The following HPS5 variants were observed in gnomAD, a reference collection of about 807,000 sequenced individuals.
HPS5 encodes HPS5 biogenesis of lysosomal organelles complex 2 subunit 2.
In HPS5, 83 loss-of-function variants were observed where a neutral mutation model predicts 128.0. The observed-to-expected ratio is 0.65, with a 90% confidence interval of 0.54 to 0.78. The LOEUF is 0.78. Among genes scored for constraint, HPS5 ranks in the 30% least tolerant of loss-of-function variants. The probability of loss-of-function intolerance (pLI) is 0.00; values close to 1 mark genes in which losing one functional copy is unlikely to be tolerated. For missense variants in HPS5, 1,281 were observed against 1,326.2 expected, an observed-to-expected ratio of 0.97 and a Z score of 0.53; for synonymous variants, 475 against 470.2, an observed-to-expected ratio of 1.01 and a Z score of -0.13.
intron 6 of HPS5, 26 bp from the exon 7 acceptor site, chr11:18,306,373 C>G (rs1862372797): frequency 3.9e-6 from 6 of 1,553,536 alleles, no homozygotes; most frequent in Non-Finnish European, 5.3e-6. Flanking sequence ...GAAGAGAAAG[C>G]AGATTTACTT....
In HPS5 at chr11:18,279,494, C is replaced by A; in HGVS notation, c.*388G>T. The A allele has an allele frequency of 4.3e-6, 1 of 231,442 alleles. No homozygotes were observed. The highest frequency in any genetic ancestry group is 8.6e-6 in the Non-Finnish European group (1 of 115,806). 14.3% of individuals were successfully genotyped at this position (231,442 alleles called of 1,614,324 possible). A position where few individuals can be genotyped will look rare whatever the true frequency, so the allele number is the denominator to read the frequency against. ...AATAATACCATCTGTCTTCATGTGACCAGGATGAAAAGCTTCTGCTCCCAA... is the reference window on the plus strand; with the variant it reads ...AATAATACCATCTGTCTTCATGTGAACAGGATGAAAAGCTTCTGCTCCCAA... On this transcript the variant is annotated 3_prime_UTR_variant, in exon 23 of 23. Transcript: ENST00000349215.
intron 1 of HPS5, among the ~76,000 whole-genome samples, chr11:18,320,553 C>G (rs944259825): frequency 2.0e-5 from 3 of 152,206 alleles, no homozygotes; most frequent in Non-Finnish European, 4.4e-5. Context: ...GCTTCTACAG[C>G]TGAAGGGAAC....
chr11:18,297,724 AAAC>A lies in HPS5; in HGVS notation c.1165-10_1165-8del. On this transcript the variant is annotated splice_polypyrimidine_tract_variant and splice_region_variant and intron_variant, in intron 10 of 22. Transcript: ENST00000349215. ...CAGTCAAAGTTTTTCTTGCCTAATA[AAAC>A]AACAGCGCAATGGAATAGCTATTTG... 2 of 1,613,086 alleles carry A rather than the reference AAAC, an allele frequency of 1.2e-6. No individual in the cohort carries two copies. The highest frequency in any genetic ancestry group is 1.7e-6 in the Non-Finnish European group (2 of 1,179,284).
At chr11:18,294,387 T>C (rs879853098) in intron 14 of HPS5, among the ~76,000 whole-genome samples, 3 of 152,024 alleles carry the variant, frequency 2.0e-5, no homozygotes, top group South Asian at 2.1e-4. Flanking sequence ...CATCAAATAA[T>C]AGCACATTTT....
intron 2 of HPS5, chr11:18,314,304 G>C (rs1217708662): frequency 6.6e-6 from 1 of 152,262 alleles, no homozygotes; most frequent in Non-Finnish European, 1.5e-5. Context: ...CGAGGCGGGC[G>C]GATTACTTGA....
chr11:18,286,910 G>GAA (rs371993799), intron 18 of HPS5, 200 bp from the exon 19 acceptor site: 4,957 of 488,998 alleles, frequency 0.01, 1 homozygote, highest in East Asian at 0.015. Context: ...GGCCAAAAAA[G>GAA]AAAAAAAAAA....
In HPS5 at chr11:18,282,085, A is replaced by T; in HGVS notation, c.3194T>A (p.Val1065Glu). ...CATGGCCTTAGCTAACAGAAGTGCC[A>T]CATTCTCCACATTGATGGGGGAAGG... ...DGPSPINVEN[V>E]ALLLAKAMGP... The change falls in exon 22 of 23, where the codon GTG becomes GAG. Residue 1065 changes from valine to glutamate, a missense_variant. Val to Glu is a moderately radical substitution (Grantham distance 121). Transcript: ENST00000349215. The T allele has an allele frequency of 6.2e-7, 1 of 1,614,182 alleles. No homozygotes were observed.
At position 18,288,154 on chromosome 11, in the gene HPS5, C is replaced by T. The variant is rs910582753; in HGVS notation, c.2441-141G>A. The T allele has an allele frequency of 3.6e-5, 28 of 769,102 alleles. No homozygotes were observed. The African/African-American group carries it at 4.8e-4, about 13-fold the overall frequency. The allele number at this position is 769,102 out of a possible 1,614,324, so 47.6% of individuals were successfully genotyped here. A position where few individuals can be genotyped will look rare whatever the true frequency, so the allele number is the denominator to read the frequency against. On this transcript the variant is annotated intron_variant, in intron 16 of 22. Transcript: ENST00000349215. ...GTGCAAGGCCCAATATTAAGCATTA[C>T]AAGAGAAACAAATAAAAGTACAAGA...
At chr11:18,301,454 CA>C (rs899074500) in intron 8 of HPS5, among the ~76,000 whole-genome samples, 2,040 of 52,054 alleles carry the variant, frequency 0.039, 20 homozygotes, top group African/African-American at 0.12. Context: ...GACTCTGTCT[CA>C]AAAAAAAAAA....
At chr11:18,282,337 A>G (rs1338339999) in intron 21 of HPS5, 117 bp from the exon 22 acceptor site, 1 of 1,130,142 alleles carries the variant, frequency 8.8e-7, no homozygotes, top group Non-Finnish European at 1.3e-6. Context: ...TCAAGAACAC[A>G]ATCTCATCAC....
chr11:18,318,064 G>A (rs759444254), intron 1 of HPS5, among the ~76,000 whole-genome samples, 157 bp from the exon 2 acceptor site: 2 of 152,196 alleles, frequency 1.3e-5, no homozygotes, highest in Non-Finnish European at 2.9e-5. Context: ...GCCACAGTGT[G>A]TTTACATTGT....
intron 6 of HPS5, among the ~76,000 whole-genome samples, chr11:18,307,841 T>G (rs936521599): frequency 6.6e-6 from 1 of 152,078 alleles, no homozygotes; most frequent in Admixed American, 6.5e-5. Flanking sequence ...ATATTACACA[T>G]GTCCCCAAAA....
Position 18,317,672 on chromosome 11 carries a change from C to A in HPS5, c.108+79G>T. ...TAAGAACACCCAAGATTCCACAAAA[C>A]GTTAAGGAACTGGAGGGTAGGGGCA... On this transcript the variant is annotated intron_variant, in intron 2 of 22. Transcript: ENST00000349215. 6 of 1,374,486 alleles carry A rather than the reference C, an allele frequency of 4.4e-6. No homozygotes were observed. In the East Asian group the frequency reaches 1.4e-4, roughly 33 times the overall value. 85.1% of individuals were successfully genotyped at this position (1,374,486 alleles called of 1,614,324 possible). A position where few individuals can be genotyped will look rare whatever the true frequency, so the allele number is the denominator to read the frequency against.
At position 18,306,343 on chromosome 11, in the gene HPS5, T is replaced by C. The variant is rs1862368925; in HGVS notation, c.616A>G (p.Lys206Glu). The part of the protein sequence containing the change: ...RSFLCDTERE[K>E]FWKIGNKERD... ...TCCTTGTTTCCAATTTTCCAAAACTTTTCTCTAACATCCAGAAAGGAAGAG... is the reference window on the plus strand; with the variant it reads ...TCCTTGTTTCCAATTTTCCAAAACTCTTCTCTAACATCCAGAAAGGAAGAG... The change falls in exon 7 of 23, where the codon AAG becomes GAG. Residue 206 changes from lysine (K) to glutamate (E), a missense_variant. By Grantham distance (56) the Lys-to-Glu change is moderately conservative. Coordinates refer to ENST00000349215, the MANE Select transcript of HPS5 (RefSeq NM_181507.2). 2.5e-6 allele frequency: 4 copies of C among 1,611,784 alleles called. No homozygotes were observed. In the South Asian group the frequency reaches 4.4e-5, roughly 18 times the overall value.
chr11:18,288,995 T>C (rs1174362890), intron 16 of HPS5, among the ~76,000 whole-genome samples: 1 of 151,986 alleles, frequency 6.6e-6, no homozygotes, highest in African/African-American at 2.4e-5. Context: ...CTGGTGTGTG[T>C]GTTTTTGTGT....
In HPS5 at chr11:18,317,862, G is replaced by T. The variant is rs768561264; in HGVS notation, c.-4C>A. The T allele has an allele frequency of 1.2e-6, 2 of 1,612,282 alleles. No homozygotes were observed. The highest frequency in any genetic ancestry group is 2.7e-5 in the African/African-American group (2 of 74,902). ...GTATCACTGGCACAAAAGCCATTTA[G>T]CCAGAAAGCTGAAACTTGTTGAATG... On this transcript the variant is annotated 5_prime_UTR_variant, in exon 2 of 23. Coordinates refer to ENST00000349215, the MANE Select transcript of HPS5 (RefSeq NM_181507.2).
intron 6 of HPS5, among the ~76,000 whole-genome samples, chr11:18,308,307 T>TA (rs1862589817): frequency 6.6e-6 from 1 of 152,194 alleles, no homozygotes; most frequent in Admixed American, 6.5e-5. Flanking sequence ...AAAATTCTAT[T>TA]AAAATAAAAC....
intron 17 of HPS5, 99 bp downstream of exon 17, chr11:18,287,794 A>C (rs1859920242): frequency 6.3e-7 from 1 of 1,582,836 alleles, no homozygotes; most frequent in Non-Finnish European, 8.7e-7. Flanking sequence ...ATACTAACAG[A>C]AGCTGCCTCA....
At chr11:18,292,791 C>A (rs1034820334) in intron 15 of HPS5, 108 bp downstream of exon 15, 2 of 859,572 alleles carry the variant, frequency 2.3e-6, no homozygotes, top group Admixed American at 1.8e-5. Flanking sequence ...CTTCTCTAAT[C>A]AACTATATAT....
Sources: gnomAD v4.1 joint callset for allele counts (sites outside exome capture counted in the v4.1 genomes callset) on GRCh38, gnomAD v4.1.1 for gene constraint, MANE v1.5 for transcripts, NCBI Gene and HGNC (gene_info 2026-07-23, HGNC 2026-07-21) for gene names.